The following GAK variants were observed in gnomAD, a reference collection of about 807,000 sequenced individuals.
GAK encodes cyclin G associated kinase.
GAK carries 79 observed loss-of-function variants against 143.9 expected under a neutral mutation model. The ratio of observed to expected loss-of-function variants is 0.55; its 90% CI spans 0.46 to 0.66. The LOEUF (loss-of-function observed/expected upper bound fraction) is 0.66. Among genes scored for constraint, GAK ranks in the 30% least tolerant of loss-of-function variants. GAK has a pLI of 0.00. For missense variants in GAK, 1,693 were observed against 1,779.7 expected (o/e 0.95, Z 0.88); for synonymous variants, 881 against 765.5 (o/e 1.15, Z -2.49).
intron 24 of GAK, chr4:852,182 G>C (rs1748288346): frequency 1.6e-6 from 1 of 615,334 alleles, no homozygotes; most frequent in Non-Finnish European, 2.9e-6. Flanking sequence ...GGGGCGACGG[G>C]AACACTCTGG....
intron 1 of GAK, among the ~76,000 whole-genome samples, chr4:922,951 A>G (rs1222359333): frequency 6.6e-6 from 1 of 152,226 alleles, no homozygotes; most frequent in Non-Finnish European, 1.5e-5. Flanking sequence ...ACTCACGCAG[A>G]GGAGTCTCAC....
Position 893,942 on chromosome 4 carries a change from C to A in GAK, c.809G>T (p.Arg270Leu). The change falls in exon 8 of 28, where the codon CGA becomes CTA. Residue 270 changes from arginine (R) to leucine (L), a missense_variant. Physicochemically the swap from Arg to Leu is moderately radical, Grantham distance 102. Transcript: ENST00000314167. ...QHPFEDGAKL[R>L]IVNGKYSIPP... Reference sequence around the variant, plus strand: ...GATCGAGTACTTCCCATTGACTATTCGAAGTTTCGCTCCATCCTCAAAAGG... The same window carrying A: ...GATCGAGTACTTCCCATTGACTATTAGAAGTTTCGCTCCATCCTCAAAAGG... 2 of 1,613,024 alleles carry A rather than the reference C, an allele frequency of 1.2e-6. No homozygotes were observed. The highest frequency in any genetic ancestry group is 1.7e-6 in the Non-Finnish European group (2 of 1,179,746).
At chr4:907,998 G>A (rs1025708590) in intron 4 of GAK, among the ~76,000 whole-genome samples, 1 of 152,174 alleles carries the variant, frequency 6.6e-6, no homozygotes, top group African/African-American at 2.4e-5. Context: ...TGTCCCCGCC[G>A]CTCCCTCGTG....
chr4:914,645 C>T (rs1722749186), intron 1 of GAK, among the ~76,000 whole-genome samples: 1 of 118,502 alleles, frequency 8.4e-6, no homozygotes, highest in Non-Finnish European at 1.7e-5. Context: ...CCCTAGCGTG[C>T]ACGGCCCCAC....
rs532431436 is a variant in GAK, at chr4:892,348, G to A, written c.990+1029C>T. Among the ~76,000 whole-genome samples the A allele has an allele frequency of 4.6e-5, 7 of 152,272 alleles. No homozygotes were observed. In the East Asian group the frequency reaches 1.2e-3, roughly 25 times the overall value. On this transcript the variant is annotated intron_variant, in intron 9 of 27. Transcript: ENST00000314167. ...TGCGAGATCTGCAGAGGGGCCCTGC[G>A]TGTCCTGACTGGGCCCTGAGCTGGG...
At chr4:856,465 AC>A (rs1749247507) in intron 24 of GAK, among the ~76,000 whole-genome samples, 1 of 142,438 alleles carries the variant, frequency 7.0e-6, no homozygotes, top group South Asian at 2.3e-4. Context: ...GCTGCTCACC[AC>A]AGCTGCTCAC....
intron 1 of GAK, among the ~76,000 whole-genome samples, chr4:922,343 C>T (rs562321933): frequency 4.6e-5 from 7 of 152,006 alleles, no homozygotes; most frequent in Non-Finnish European, 8.8e-5. Flanking sequence ...GGTGAAACCC[C>T]GTCTCTACTA....
At chr4:858,085 A>G (rs1201474943) in intron 24 of GAK, among the ~76,000 whole-genome samples, 1 of 152,138 alleles carries the variant, frequency 6.6e-6, no homozygotes, top group Admixed American at 6.5e-5. Flanking sequence ...CATGCTGCAG[A>G]ATCCTAGTTC....
At chr4:931,783 GA>G (rs975799616) in intron 1 of GAK, among the ~76,000 whole-genome samples, 13 of 151,936 alleles carry the variant, frequency 8.6e-5, no homozygotes, top group Admixed American at 2.0e-4. Flanking sequence ...CTTATGACAA[GA>G]AAGTACCCCG....
chr4:865,371 G>C, intron 22 of GAK, 127 bp from the exon 23 acceptor site: 1 of 1,186,818 alleles, frequency 8.4e-7, no homozygotes, highest in Non-Finnish European at 1.2e-6. Context: ...AGCTGAGGCT[G>C]GGCTGACGGC....
At chr4:887,178 G>A (rs917231059) in intron 11 of GAK, 2 of 149,412 alleles carry the variant, frequency 1.3e-5, no homozygotes, top group African/African-American at 2.5e-5. Flanking sequence ...GCACACACGC[G>A]TACACATGCA....
intron 4 of GAK, among the ~76,000 whole-genome samples, chr4:909,093 C>T (rs1229680885): frequency 6.6e-6 from 1 of 152,210 alleles, no homozygotes; most frequent in Non-Finnish European, 1.5e-5. Context: ...GCGATGCACC[C>T]GCCTCGGCCT....
intron 24 of GAK, 44 bp downstream of exon 24, chr4:859,562 A>T (rs1749911357): frequency 1.9e-6 from 3 of 1,586,234 alleles, no homozygotes; most frequent in African/African-American, 1.3e-5. Context: ...TAAACCTCCT[A>T]CAAGGAAACA....
intron 24 of GAK, 109 bp from the exon 25 acceptor site, chr4:852,083 A>G (rs555528243): frequency 1.7e-5 from 16 of 953,834 alleles, no homozygotes; most frequent in Admixed American, 4.0e-5. Context: ...CTTGCAAAAT[A>G]GAACACCGAT....
chr4:903,696 A>T (rs1720469311), intron 5 of GAK, among the ~76,000 whole-genome samples: 1 of 117,850 alleles, frequency 8.5e-6, no homozygotes, highest in Non-Finnish European at 1.8e-5. Context: ...TAGTGACACC[A>T]CCGGGGGGCG....
intron 1 of GAK, among the ~76,000 whole-genome samples, chr4:923,023 C>T (rs1724145056): frequency 6.6e-6 from 1 of 152,170 alleles, no homozygotes; most frequent in Non-Finnish European, 1.5e-5. Flanking sequence ...CCTTACACTG[C>T]ATCCTTCGAA....
intron 3 of GAK, chr4:912,098 C>G (rs542290574): frequency 2.1e-6 from 1 of 468,142 alleles, no homozygotes; most frequent in Non-Finnish European, 4.3e-6. Flanking sequence ...GGGGGCTGTG[C>G]GCAGGGAGGC....
chr4:890,687 C>A (rs2306253), intron 9 of GAK, 65 bp from the exon 10 acceptor site: 2 of 1,388,086 alleles, frequency 1.4e-6, no homozygotes, highest in Non-Finnish European at 2.0e-6. Flanking sequence ...CCACGTCGGG[C>A]AGAGGTACGG....
At chr4:923,822 A>G (rs1309159194) in intron 1 of GAK, among the ~76,000 whole-genome samples, 1 of 152,190 alleles carries the variant, frequency 6.6e-6, no homozygotes, top group Non-Finnish European at 1.5e-5. Context: ...TCTTTCTCAC[A>G]TAAATTATAT....
Sources: allele counts gnomAD v4.1 joint callset (sites outside exome capture counted in the v4.1 genomes callset), GRCh38; gene constraint gnomAD v4.1.1; transcripts MANE v1.5; gene names NCBI Gene and HGNC (gene_info 2026-07-23, HGNC 2026-07-21).